Variants in SLC35B4 observed in about 807,000 individuals in gnomAD.
The protein encoded by SLC35B4 is nucleotide sugar transporter SLC35B4.
Under a neutral mutation model 39.5 loss-of-function variants are expected in SLC35B4, and 28 were observed. The observed-to-expected ratio is 0.71, with a 90% CI of 0.53 to 0.97. SLC35B4 has a LOEUF of 0.97. SLC35B4 is among the 50% of genes least tolerant of loss of function. The probability of loss-of-function intolerance (pLI) is 0.00; values close to 1 mark genes in which losing one functional copy is unlikely to be tolerated. For synonymous variants in SLC35B4, 145 were observed against 150.4 expected, an observed-to-expected ratio of 0.96 and a Z score of 0.26; for missense variants, 334 against 414.3, an observed-to-expected ratio of 0.81 and a Z score of 1.68.
intron 2 of SLC35B4, among the ~76,000 whole-genome samples, chr7:134,307,602 A>G (rs1445833158): frequency 6.6e-6 from 1 of 152,242 alleles, no homozygotes; most frequent in East Asian, 1.9e-4. Context: ...TTTAAAATAA[A>G]TGGCTAAAGA....
chr7:134,290,273 G>A lies in SLC35B4; in HGVS notation c.*4560C>T, dbSNP rs1803305167. On this transcript the variant is annotated 3_prime_UTR_variant, in exon 10 of 10. Coordinates refer to ENST00000378509, the MANE Select transcript of SLC35B4 (RefSeq NM_032826.5). ...ATCTCTGGTGTACCTCCTCCCAATA[G>A]TCGTTCTTCCTTCTCTTGCTTGGAA... The A allele has an allele frequency of 6.6e-6, 1 of 152,126 alleles. No individual in the cohort carries two copies. The highest frequency in any genetic ancestry group is 2.4e-5 in the African/African-American group (1 of 41,410). The allele number at this position is 152,126 out of a possible 1,614,324, so 9.4% of individuals were successfully genotyped here.
chr7:134,314,382 A>G (rs2117323360), intron 1 of SLC35B4, among the ~76,000 whole-genome samples: 1 of 152,314 alleles, frequency 6.6e-6, no homozygotes, highest in East Asian at 1.9e-4. Flanking sequence ...TCAAGGGCTC[A>G]CAAACTAGTA....
intron 3 of SLC35B4, 78 bp downstream of exon 3, chr7:134,306,594 A>G: frequency 8.4e-7 from 1 of 1,186,678 alleles, no homozygotes; most frequent in African/African-American, 1.5e-5. Flanking sequence ...AGAACCTTCT[A>G]GTTCTGCCAT....
chr7:134,313,663 T>G (rs1358225730), intron 1 of SLC35B4, among the ~76,000 whole-genome samples: 1 of 152,198 alleles, frequency 6.6e-6, no homozygotes, highest in Non-Finnish European at 1.5e-5. Context: ...GGGAAAATGG[T>G]TAAAAATGTC....
intron 4 of SLC35B4, among the ~76,000 whole-genome samples, chr7:134,304,206 T>G (rs985446702): frequency 6.6e-5 from 10 of 152,142 alleles, no homozygotes; most frequent in Admixed American, 6.5e-4. Flanking sequence ...GGGGACAACA[T>G]GGCGAAACCC....
At position 134,292,651 on chromosome 7, in the gene SLC35B4, A is replaced by T. The variant is rs182155480; in HGVS notation, c.*2182T>A. 2.6e-5 allele frequency: 4 copies of T among 152,350 alleles called. No individual in the cohort carries two copies. Among genetic ancestry groups the T allele is most frequent in the African/African-American group, 7.2e-5 (3 of 41,588 alleles). The allele number at this position is 152,350 out of a possible 1,614,324, so 9.4% of individuals were successfully genotyped here. A position where few individuals can be genotyped will look rare whatever the true frequency, so the allele number is the denominator to read the frequency against. ...CAGAGACTCCAGATCCATAGCAATG[A>T]AGTCGCCTCTAGGGACAGGTTCTTC... On this transcript the variant is annotated 3_prime_UTR_variant, in exon 10 of 10. Coordinates refer to ENST00000378509, the MANE Select transcript of SLC35B4 (RefSeq NM_032826.5).
intron 6 of SLC35B4, among the ~76,000 whole-genome samples, chr7:134,300,676 G>A (rs1803560999): frequency 6.6e-6 from 1 of 152,014 alleles, no homozygotes; most frequent in South Asian, 2.1e-4. Context: ...GTACATCCTT[G>A]TATACAAATC....
intron 5 of SLC35B4, 33 bp from the exon 6 acceptor site, chr7:134,301,854 A>G (rs750844364): frequency 1.9e-6 from 3 of 1,601,392 alleles, no homozygotes; most frequent in Non-Finnish European, 2.6e-6. Flanking sequence ...AGGTACAGAG[A>G]GCAGAACTAC....
At chr7:134,313,957 C>A (rs1803910220) in intron 1 of SLC35B4, among the ~76,000 whole-genome samples, 1 of 152,046 alleles carries the variant, frequency 6.6e-6, no homozygotes, top group African/African-American at 2.4e-5. Context: ...TCTGGTGCAC[C>A]ACTGATTATT....
At position 134,295,051 on chromosome 7, in the gene SLC35B4, G is replaced by A. The variant is rs1159597317; in HGVS notation, c.778C>T (p.Leu260Phe). Residue 260 changes from leucine to phenylalanine, a missense_variant, in exon 10 of 10, where the codon CTC becomes TTC. Physicochemically the swap from Leu to Phe is conservative, Grantham distance 22 (BLOSUM62 0). Coordinates refer to ENST00000378509, the MANE Select transcript of SLC35B4 (RefSeq NM_032826.5). ...QYVCIRGVFILTTECASLTVT... is the reference protein window; with the variant it reads ...QYVCIRGVFIFTTECASLTVT... ...GTGAGGGAGGCGCATTCTGTGGTGA[G>A]GATAAACACACCCCGGATGCACACG... 1.9e-6 allele frequency: 3 copies of A among 1,614,146 alleles called. No individual in the cohort carries two copies. Among genetic ancestry groups the A allele is most frequent in the East Asian group, 2.2e-5 (1 of 44,880 alleles).
intron 2 of SLC35B4, among the ~76,000 whole-genome samples, chr7:134,308,594 A>G (rs1388782000): frequency 6.6e-6 from 1 of 152,236 alleles, no homozygotes; most frequent in Non-Finnish European, 1.5e-5. Context: ...TGCAAAAGAA[A>G]ACCAACAAAG....
At chr7:134,311,433 A>C (rs1333460547) in intron 1 of SLC35B4, among the ~76,000 whole-genome samples, 1 of 152,188 alleles carries the variant, frequency 6.6e-6, no homozygotes, top group African/African-American at 2.4e-5. Flanking sequence ...AGGCAGGTGG[A>C]TCACCTGAGG....
In SLC35B4 at chr7:134,294,496, T is replaced by C. The variant is rs1474376574; in HGVS notation, c.*337A>G. The C allele has an allele frequency of 4.4e-6, 1 of 224,780 alleles. No individual in the cohort carries two copies. The highest frequency in any genetic ancestry group is 2.2e-5 in the African/African-American group (1 of 44,988). 13.9% of individuals were successfully genotyped at this position (224,780 alleles called of 1,614,324 possible). On this transcript the variant is annotated 3_prime_UTR_variant, in exon 10 of 10. Transcript: ENST00000378509. ...TACAACAGCAAGAGAAGGGACAATC[T>C]TTTCCAAGACCATGGATAGTAAGCC... is the stretch of plus-strand genomic sequence containing the variant.
At chr7:134,300,031 G>T in intron 7 of SLC35B4, 121 bp downstream of exon 7, 2 of 686,210 alleles carry the variant, frequency 2.9e-6, no homozygotes, top group Non-Finnish European at 2.4e-6. Flanking sequence ...CAGTCTGTGG[G>T]TCTCAAAGCC....
intron 4 of SLC35B4, among the ~76,000 whole-genome samples, chr7:134,304,557 C>T (rs968486063): frequency 6.6e-5 from 10 of 152,100 alleles, no homozygotes; most frequent in African/African-American, 2.4e-4. Context: ...GTTAGTATGA[C>T]ACTAAAATTC....
intron 3 of SLC35B4, 140 bp downstream of exon 3, chr7:134,306,532 C>A: frequency 1.9e-6 from 1 of 532,486 alleles, no homozygotes; most frequent in Non-Finnish European, 3.2e-6. Flanking sequence ...TGAAAGCCAC[C>A]CTTGCTCACG....
chr7:134,309,902 T>C (rs1694545378), intron 1 of SLC35B4, among the ~76,000 whole-genome samples: 1 of 152,194 alleles, frequency 6.6e-6, no homozygotes, highest in South Asian at 2.1e-4. Flanking sequence ...AATGTTTATA[T>C]ATCCCTCCTG....
chr7:134,297,147 C>T (rs1003748120), intron 8 of SLC35B4, among the ~76,000 whole-genome samples: 2 of 152,204 alleles, frequency 1.3e-5, no homozygotes, highest in Admixed American at 1.3e-4. Flanking sequence ...TCTTGAACTC[C>T]TGACTTCAAG....
At chr7:134,302,836 G>A (rs73443141) in intron 4 of SLC35B4, among the ~76,000 whole-genome samples, 2,997 of 152,202 alleles carry the variant, frequency 0.02, 125 homozygotes, top group African/African-American at 0.069. Context: ...TATTGTCCTG[G>A]TCACAGTACC....
Sources: allele counts gnomAD v4.1 joint callset (sites outside exome capture counted in the v4.1 genomes callset), GRCh38; gene constraint gnomAD v4.1.1; transcripts MANE v1.5; gene names NCBI Gene and HGNC (gene_info 2026-07-23, HGNC 2026-07-21).